TTC34: variants seen among roughly 807,000 people sequenced by gnomAD.
TTC34 encodes the protein tetratricopeptide repeat protein 34.
A neutral mutation model predicts 40.7 loss-of-function variants in TTC34; 44 were observed. The ratio of observed to expected loss-of-function variants is 1.08; its 90% confidence interval spans 0.85 to 1.39. TTC34 has a LOEUF of 1.39. Ranked by LOEUF, TTC34 falls within the 40% of genes most tolerant of loss-of-function variation. The pLI is 0.00. For synonymous variants in TTC34, 422 were observed against 398.6 expected (o/e 1.06, Z -0.70); for missense variants, 884 against 838.0 (o/e 1.05, Z -0.68).
exon 8 of TTC34, chr1:2,644,429 G>A: frequency 6.5e-7 from 1 of 1,536,026 alleles, no homozygotes; most frequent in South Asian, 1.2e-5. Flanking sequence ...CTGACGTTGG[G>A]GCACGGTGCA....
intron 6 of TTC34, among the ~76,000 whole-genome samples, chr1:2,782,199 A>G (rs916252014): frequency 6.6e-6 from 1 of 151,632 alleles, no homozygotes; most frequent in Middle Eastern, 3.2e-3. Flanking sequence ...GTCTATTCAG[A>G]TCTTCTATTT....
At chr1:2,781,042 G>C (rs1040377464) in intron 6 of TTC34, among the ~76,000 whole-genome samples, 1 of 152,036 alleles carries the variant, frequency 6.6e-6, no homozygotes, top group African/African-American at 2.4e-5. Flanking sequence ...GTTGACTCTT[G>C]AACACAGGTT....
intron 6 of TTC34, among the ~76,000 whole-genome samples, chr1:2,769,781 A>G (rs2100492051): frequency 7.1e-6 from 1 of 140,464 alleles, no homozygotes; most frequent in Non-Finnish European, 1.5e-5. Flanking sequence ...AGCGTGGAGC[A>G]GCGCCCACAC....
intron 6 of TTC34, among the ~76,000 whole-genome samples, chr1:2,687,087 C>G (rs113219673): frequency 6.9e-6 from 1 of 145,432 alleles, no homozygotes; most frequent in East Asian, 2.0e-4. Context: ...CCCACACCCC[C>G]AGGTGAACAT....
At chr1:2,651,876 A>C (rs894803585) in intron 6 of TTC34, among the ~76,000 whole-genome samples, 1 of 151,240 alleles carries the variant, frequency 6.6e-6, no homozygotes, top group Non-Finnish European at 1.5e-5. Flanking sequence ...TCAAACAACA[A>C]CTCACGATTT....
At position 2,752,309 on chromosome 1, in the gene TTC34, C is replaced by G. The variant is rs1224493492; in HGVS notation, c.2226+31300G>C. Reference sequence around the variant, plus strand: ...CTTGCACCCCCAGGGGAGCATCTGACAGCCTGGAACAGCACGCACACCCCC... The same window carrying G: ...CTTGCACCCCCAGGGGAGCATCTGAGAGCCTGGAACAGCACGCACACCCCC... On this transcript the variant is annotated intron_variant, in intron 6 of 8. Coordinates refer to ENST00000401095, the Ensembl canonical transcript of TTC34. Among the ~76,000 whole-genome samples, 9 of 117,498 alleles carry G rather than the reference C, an allele frequency of 7.7e-5. 2 individuals carry two copies. Among genetic ancestry groups the G allele is most frequent in the African/African-American group, 3.4e-4 (9 of 26,440 alleles). 77.1% of individuals were successfully genotyped at this position (117,498 alleles called of 152,430 possible).
chr1:2,800,783 C>A, exon 2 of TTC34: 1 of 398,856 alleles, frequency 2.5e-6, no homozygotes, highest in Non-Finnish European at 4.4e-6. Context: ...GATGCTGCTC[C>A]CCCTCCCGGC....
At position 2,750,540 on chromosome 1, in the gene TTC34, C is replaced by T. The variant is rs1395568588; in HGVS notation, c.2226+33069G>A. Among the ~76,000 whole-genome samples the T allele has an allele frequency of 4.4e-3, 247 of 55,578 alleles. 31 individuals are homozygous for T. Among genetic ancestry groups the T allele is most frequent in the African/African-American group, 0.021 (216 of 10,438 alleles). 36.5% of individuals were successfully genotyped at this position (55,578 alleles called of 152,430 possible). ...GCACCCACATCCCCAAGCGAGCATCCGACAGCCTGGGGCAGCACCCACACC... is the reference window on the plus strand; with the variant it reads ...GCACCCACATCCCCAAGCGAGCATCTGACAGCCTGGGGCAGCACCCACACC... On this transcript the variant is annotated intron_variant, in intron 6 of 8. Coordinates refer to ENST00000401095, the Ensembl canonical transcript of TTC34.
chr1:2,637,244 T>C (rs1410559622), exon 9 of TTC34: 1 of 151,908 alleles, frequency 6.6e-6, no homozygotes, highest in African/African-American at 2.4e-5. Flanking sequence ...ACATGTAAAA[T>C]AGGTGAAGGG....
Position 2,789,658 on chromosome 1 carries a change from G to A in TTC34, c.1473C>T (p.Ala491=), listed in dbSNP as rs566808338. 7.5e-6 allele frequency: 10 copies of A among 1,332,136 alleles called. No individual in the cohort carries two copies. In the East Asian group the frequency reaches 2.8e-4, roughly 38 times the overall value. 82.5% of individuals were successfully genotyped at this position (1,332,136 alleles called of 1,614,324 possible). ...GCTGGTTCCAGGGCACGTAGGCCTT[G>A]GCGGCCAGCAGCGCCTCCTCGGGCC... Residue 491 remains alanine, a synonymous_variant, in exon 3 of 9, where the codon GCC becomes GCT. Transcript: ENST00000401095.
intron 6 of TTC34, among the ~76,000 whole-genome samples, chr1:2,683,508 C>T (rs1443728690): frequency 8.0e-5 from 3 of 37,490 alleles, no homozygotes; most frequent in Admixed American, 2.7e-4. Context: ...GAACGGCACC[C>T]ACACCACCAG....
At chr1:2,777,952 T>G (rs1296323357) in intron 6 of TTC34, among the ~76,000 whole-genome samples, 1 of 152,196 alleles carries the variant, frequency 6.6e-6, no homozygotes, top group African/African-American at 2.4e-5. Flanking sequence ...AATGGGCATG[T>G]CCCTGGCAGC....
intron 3 of TTC34, among the ~76,000 whole-genome samples, chr1:2,789,183 C>T (rs867145760): frequency 4.2e-4 from 64 of 152,178 alleles, no homozygotes; most frequent in African/African-American, 1.4e-3. Context: ...ACACATTTAG[C>T]CACAAAGGGA....
intron 5 of TTC34, 111 bp from the exon 6 acceptor site, chr1:2,783,886 T>C: frequency 9.3e-7 from 1 of 1,075,686 alleles, no homozygotes; most frequent in Non-Finnish European, 1.2e-6. Context: ...AGGGCCTACC[T>C]TGGGGAGCTC....
intron 6 of TTC34, among the ~76,000 whole-genome samples, chr1:2,685,648 A>G (rs1301262027): frequency 7.1e-6 from 1 of 140,330 alleles, no homozygotes; most frequent in Admixed American, 7.0e-5. Flanking sequence ...CCCTCAGGTG[A>G]GCATCTGACA....
At chr1:2,642,042 C>T in intron 8 of TTC34, 147 bp from the exon 9 acceptor site, 1 of 931,498 alleles carries the variant, frequency 1.1e-6, no homozygotes, top group East Asian at 2.9e-5. Context: ...GAGCTGCCCG[C>T]TGCTTCTGGA....
chr1:2,792,977 A>G (rs531543706), intron 2 of TTC34, among the ~76,000 whole-genome samples: 2 of 152,314 alleles, frequency 1.3e-5, no homozygotes, highest in East Asian at 1.9e-4. Context: ...GCCTTCAAAT[A>G]GTCACTTTTT....
Position 2,645,594 on chromosome 1 carries a change from G to A in TTC34, c.2227-31C>T. On this transcript the variant is annotated intron_variant, in intron 6 of 8. Coordinates refer to ENST00000401095, the Ensembl canonical transcript of TTC34. This position sits in a 1 kb window ranked among gnomAD's most constrained non-coding sequence, Gnocchi z 4.7. ...AGGAGGGAGGGCGGGCGGGTGCAGA[G>A]TTGTCCTAAGTAGAGAAACTGGGCA... 6.9e-7 allele frequency: 1 copy of A among 1,442,714 alleles called. No homozygotes were observed. Among genetic ancestry groups the A allele is most frequent in the Non-Finnish European group, 9.1e-7 (1 of 1,100,704 alleles). 89.4% of individuals were successfully genotyped at this position (1,442,714 alleles called of 1,614,324 possible).
chr1:2,787,737 C>A lies in TTC34; in HGVS notation c.1629-31G>T, dbSNP rs892727637. 8.1e-6 allele frequency: 12 copies of A among 1,481,328 alleles called. No individual in the cohort carries two copies. The African/African-American group carries it at 1.7e-4, about 21-fold the overall frequency. The allele number at this position is 1,481,328 out of a possible 1,614,324, so 91.8% of individuals were successfully genotyped here. On this transcript the variant is annotated intron_variant, in intron 3 of 8. Coordinates refer to ENST00000401095, the Ensembl canonical transcript of TTC34. Reference sequence around the variant, plus strand: ...TGGAGATCAGCTCAGGGGGGCATGCCCCTTTTGACAACCCCTCCACCTGCC... The same window carrying A: ...TGGAGATCAGCTCAGGGGGGCATGCACCTTTTGACAACCCCTCCACCTGCC...
Sources: allele counts gnomAD v4.1 joint callset (sites outside exome capture counted in the v4.1 genomes callset), GRCh38; gene constraint gnomAD v4.1.1; non-coding constraint Gnocchi (gnomAD v3.1); transcripts MANE v1.5; gene names NCBI Gene and HGNC (gene_info 2026-07-23, HGNC 2026-07-21).